The following XRCC4 variants were observed in gnomAD, a reference collection of about 807,000 sequenced individuals.
XRCC4 encodes the protein X-ray repair cross complementing 4.
XRCC4 carries 28 observed loss-of-function variants against 39.1 expected under a neutral mutation model. The ratio of observed to expected loss-of-function variants is 0.72; its 90% confidence interval spans 0.53 to 0.98. The LOEUF (loss-of-function observed/expected upper bound fraction) is 0.98, where lower values mean the gene tolerates loss of function less well. Ranked by LOEUF, XRCC4 falls within the 50% of genes least tolerant of loss-of-function variation. The probability of loss-of-function intolerance (pLI) is 0.00; values close to 1 mark genes in which losing one functional copy is unlikely to be tolerated. For missense variants in XRCC4, 350 were observed against 376.4 expected (o/e 0.93, Z 0.58); for synonymous variants, 123 against 126.4 (o/e 0.97, Z 0.18).
chr5:83,340,066 C>A (rs1006056033), intron 7 of XRCC4, among the ~76,000 whole-genome samples: 1 of 152,108 alleles, frequency 6.6e-6, no homozygotes. Context: ...AGATAAGACC[C>A]AATGTCTGTT....
intron 6 of XRCC4, among the ~76,000 whole-genome samples, chr5:83,245,470 T>C (rs890865895): frequency 6.6e-6 from 1 of 151,968 alleles, no homozygotes; most frequent in African/African-American, 2.4e-5. Context: ...AAAAGAGAAA[T>C]ATGTAGCTAC....
chr5:83,352,675 A>C (rs975338943), intron 7 of XRCC4, among the ~76,000 whole-genome samples: 2 of 152,212 alleles, frequency 1.3e-5, no homozygotes, highest in Non-Finnish European at 2.9e-5. Flanking sequence ...TATACACATG[A>C]TCATCAGACC....
At position 83,308,383 on chromosome 5, in the gene XRCC4, G is replaced by A. The variant is rs879388278; in HGVS notation, c.894-44748G>A. Reference sequence around the variant, plus strand: ...GTGTGGGATCTTTTCATGAAAAGTTGTGTATGCAGGAATAAGTTAATAACA... The same window carrying A: ...GTGTGGGATCTTTTCATGAAAAGTTATGTATGCAGGAATAAGTTAATAACA... On this transcript the variant is annotated intron_variant, in intron 7 of 7. Coordinates refer to ENST00000396027, the MANE Select transcript of XRCC4 (RefSeq NM_003401.5). 2.1e-3 allele frequency among the ~76,000 whole-genome samples: 326 copies of A among 152,242 alleles called. 2 individuals carry two copies. The highest frequency in any genetic ancestry group is 3.5e-3 in the Non-Finnish European group (239 of 67,992).
At chr5:83,108,854 C>CTTTTTT (rs370868182) in intron 2 of XRCC4, among the ~76,000 whole-genome samples, 1 of 143,284 alleles carries the variant, frequency 7.0e-6, no homozygotes, top group Non-Finnish European at 1.5e-5. Flanking sequence ...TTATCTTCTT[C>CTTTTTT]TTTTTTTTTT....
At chr5:83,127,108 T>C (rs1029424919) in intron 3 of XRCC4, among the ~76,000 whole-genome samples, 39 of 152,276 alleles carry the variant, frequency 2.6e-4, no homozygotes, top group African/African-American at 9.4e-4. Context: ...GACTTTTGTG[T>C]TGCTGCTGAA....
intron 3 of XRCC4, among the ~76,000 whole-genome samples, chr5:83,165,887 CTT>C (rs34887034): frequency 0.41 from 51,655 of 125,012 alleles, 10,205 homozygotes; most frequent in African/African-American, 0.55. Context: ...TTTTTTCTTT[CTT>C]TTTTTTTTTT....
intron 3 of XRCC4, among the ~76,000 whole-genome samples, chr5:83,133,869 G>T (rs1377391030): frequency 6.6e-6 from 1 of 152,194 alleles, no homozygotes; most frequent in Non-Finnish European, 1.5e-5. Context: ...AGCCCTTCAG[G>T]CCACCACTGC....
At chr5:83,238,668 T>C (rs112934727) in intron 6 of XRCC4, among the ~76,000 whole-genome samples, 5,642 of 152,202 alleles carry the variant, frequency 0.037, 347 homozygotes, top group African/African-American at 0.13. Context: ...TGGAGAACTG[T>C]ATTTATATGA....
chr5:83,290,478 TC>T (rs1754885937), intron 7 of XRCC4, among the ~76,000 whole-genome samples: 1 of 151,340 alleles, frequency 6.6e-6, no homozygotes, highest in Non-Finnish European at 1.5e-5. Flanking sequence ...CTGATCATAT[TC>T]TGCACTATGT....
chr5:83,350,383 C>T (rs2084099), intron 7 of XRCC4, among the ~76,000 whole-genome samples: 7,631 of 152,262 alleles, frequency 0.05, 261 homozygotes, highest in African/African-American at 0.098. Context: ...TTCCCACCAA[C>T]AATGTATAAG....
intron 3 of XRCC4, among the ~76,000 whole-genome samples, chr5:83,145,660 A>G (rs529671425): frequency 6.6e-6 from 1 of 152,274 alleles, no homozygotes; most frequent in African/African-American, 2.4e-5. Context: ...TGTCTTCCTC[A>G]CTTTTCAAGT....
chr5:83,085,027 T>G (rs891751437), intron 1 of XRCC4, among the ~76,000 whole-genome samples: 3 of 152,206 alleles, frequency 2.0e-5, no homozygotes, highest in African/African-American at 7.2e-5. Flanking sequence ...GGACATTGTA[T>G]CCTGAATTTG....
intron 3 of XRCC4, among the ~76,000 whole-genome samples, chr5:83,166,767 G>A (rs554286326): frequency 4.6e-5 from 7 of 152,020 alleles, no homozygotes; most frequent in African/African-American, 7.2e-5. Context: ...GTGAGCCACC[G>A]TGCTTGGCCA....
chr5:83,188,696 G>T (rs1750562451), intron 3 of XRCC4, among the ~76,000 whole-genome samples: 1 of 152,062 alleles, frequency 6.6e-6, no homozygotes, highest in Non-Finnish European at 1.5e-5. Flanking sequence ...GTTCTCAAGT[G>T]AACTAAGTGA....
chr5:83,132,224 C>T (rs1160588672), intron 3 of XRCC4, among the ~76,000 whole-genome samples: 2 of 152,124 alleles, frequency 1.3e-5, no homozygotes, highest in African/African-American at 4.8e-5. Flanking sequence ...TCTCTTCTGG[C>T]TTGTAGAGTT....
rs1251913717 is a variant in XRCC4 at position 83,304,152 on chromosome 5, C to T, written c.893+45475C>T. 2.0e-5 allele frequency among the ~76,000 whole-genome samples: 3 copies of T among 148,788 alleles called. No individual in the cohort carries two copies. In the East Asian group the frequency reaches 5.9e-4, roughly 29 times the overall value. On this transcript the variant is annotated intron_variant, in intron 7 of 7. Coordinates refer to ENST00000396027, the MANE Select transcript of XRCC4 (RefSeq NM_003401.5). ...TTTAAGATCACATGAATCATCTGCC[C>T]AAAATTACTGGGCTGTTAAACAACT... is the stretch of plus-strand genomic sequence containing the variant.
At chr5:83,366,990 G>C in the XRCC4 span, among the ~76,000 whole-genome samples, 1 of 152,100 alleles carries the variant, frequency 6.6e-6, no homozygotes, top group African/African-American at 2.4e-5. Context: ...TTGGCCATCT[G>C]TTCTCACCAG....
intron 7 of XRCC4, among the ~76,000 whole-genome samples, chr5:83,349,994 T>C (rs774845644): frequency 3.3e-5 from 5 of 152,142 alleles, no homozygotes; most frequent in Non-Finnish European, 7.4e-5. Flanking sequence ...AGCTCTCACT[T>C]ATAAGTGAGA....
intron 6 of XRCC4, among the ~76,000 whole-genome samples, chr5:83,245,746 A>G (rs1580418661): frequency 6.6e-6 from 1 of 152,064 alleles, no homozygotes; most frequent in Non-Finnish European, 1.5e-5. Flanking sequence ...ATCTTATTTG[A>G]TCAGGGAAGA....
Sources: allele counts gnomAD v4.1 joint callset (sites outside exome capture counted in the v4.1 genomes callset), GRCh38; gene constraint gnomAD v4.1.1; transcripts MANE v1.5; gene names NCBI Gene and HGNC (gene_info 2026-07-23, HGNC 2026-07-21).